Variants in CNTN5 observed in about 807,000 individuals in gnomAD.
The protein encoded by CNTN5 is contactin 5, also known as contactin-5.
In CNTN5, 77 loss-of-function variants were observed where a neutral mutation model predicts 129.1. That is an observed-to-expected ratio of 0.60 (90% CI 0.50 to 0.72). CNTN5 has a LOEUF of 0.72. Ranked by LOEUF, CNTN5 falls within the 30% of genes least tolerant of loss-of-function variation. CNTN5 has a pLI of 0.00. For missense variants in CNTN5, 1,478 were observed against 1,328.8 expected, an observed-to-expected ratio of 1.11 and a Z score of -1.75; for synonymous variants, 509 against 465.6, an observed-to-expected ratio of 1.09 and a Z score of -1.20.
intron 10 of CNTN5, among the ~76,000 whole-genome samples, chr11:100,069,547 A>C (rs1943824333): frequency 6.6e-6 from 1 of 152,128 alleles, no homozygotes. Context: ...AAACTCTTTT[A>C]GAGCCGCTCT....
At chr11:99,171,917 C>T (rs1335259847) in intron 1 of CNTN5, among the ~76,000 whole-genome samples, 2 of 152,072 alleles carry the variant, frequency 1.3e-5, no homozygotes, top group South Asian at 2.1e-4. Flanking sequence ...TCAGGAGCAA[C>T]GGAAAGTTAC....
chr11:100,051,570 A>G (rs1228244615), intron 9 of CNTN5, among the ~76,000 whole-genome samples: 1 of 151,958 alleles, frequency 6.6e-6, no homozygotes, highest in African/African-American at 2.4e-5. Flanking sequence ...CAAATGGAAA[A>G]TGAAATTAAT....
chr11:100,356,445 T>C lies in CNTN5; in HGVS notation c.*225T>C. ...GACAGTTCTTAGTCCAGTAAAAATA[T>C]GCAGATTGTATGTAATGAATTTTTG... On this transcript the variant is annotated 3_prime_UTR_variant, in exon 25 of 25. Transcript: ENST00000524871. 2 of 529,390 alleles carry C rather than the reference T, an allele frequency of 3.8e-6. No individual in the cohort carries two copies. Among genetic ancestry groups the C allele is most frequent in the Non-Finnish European group, 3.4e-6 (1 of 297,786 alleles). 32.8% of individuals were successfully genotyped at this position (529,390 alleles called of 1,614,324 possible). A position where few individuals can be genotyped will look rare whatever the true frequency, so the allele number is the denominator to read the frequency against.
chr11:100,285,355 C>A (rs970352829), intron 18 of CNTN5, among the ~76,000 whole-genome samples: 1 of 152,160 alleles, frequency 6.6e-6, no homozygotes, highest in African/African-American at 2.4e-5. Flanking sequence ...AGACAGCCAG[C>A]GTTCCATCAT....
chr11:99,521,629 C>G (rs1220039027), intron 2 of CNTN5, among the ~76,000 whole-genome samples: 1 of 152,122 alleles, frequency 6.6e-6, no homozygotes, highest in East Asian at 1.9e-4. Context: ...CGTTAGCTTG[C>G]TATTTCCCAC....
At chr11:99,717,942 A>AC (rs1335209832) in intron 3 of CNTN5, among the ~76,000 whole-genome samples, 1 of 151,740 alleles carries the variant, frequency 6.6e-6, no homozygotes, top group Non-Finnish European at 1.5e-5. Context: ...AATACTTAGC[A>AC]CCCCCCTAAA....
intron 3 of CNTN5, among the ~76,000 whole-genome samples, chr11:99,709,850 G>A (rs1954900234): frequency 6.6e-6 from 1 of 151,764 alleles, no homozygotes; most frequent in South Asian, 2.1e-4. Context: ...TTAGAGGAGA[G>A]CCCTTAGGTT....
intron 1 of CNTN5, among the ~76,000 whole-genome samples, chr11:99,186,818 C>T (rs1361570384): frequency 6.6e-6 from 1 of 151,898 alleles, no homozygotes; most frequent in Non-Finnish European, 1.5e-5. Flanking sequence ...GAGGGGATGG[C>T]TGAAAGGAGA....
chr11:99,690,448 G>A (rs1284073356), intron 3 of CNTN5, among the ~76,000 whole-genome samples: 1 of 151,946 alleles, frequency 6.6e-6, no homozygotes, highest in Non-Finnish European at 1.5e-5. Context: ...GGCTATTCGG[G>A]CTCTTTCTTG....
intron 3 of CNTN5, among the ~76,000 whole-genome samples, chr11:99,614,672 G>A (rs1950702894): frequency 6.6e-6 from 1 of 152,164 alleles, no homozygotes; most frequent in South Asian, 2.1e-4. Context: ...ACAGATCTTT[G>A]CTCCTCGATC....
intron 1 of CNTN5, among the ~76,000 whole-genome samples, chr11:99,158,655 A>G (rs534463704): frequency 1.8e-4 from 28 of 152,294 alleles, no homozygotes; most frequent in Non-Finnish European, 1.5e-5. Flanking sequence ...TCATTGGGCA[A>G]TAGGAGAACA....
intron 2 of CNTN5, among the ~76,000 whole-genome samples, chr11:99,550,689 A>C (rs1948453222): frequency 6.6e-6 from 1 of 152,168 alleles, no homozygotes; most frequent in Non-Finnish European, 1.5e-5. Flanking sequence ...CTACTGTTCT[A>C]ATTTCACAGA....
chr11:99,583,889 G>C (rs2135633318), intron 3 of CNTN5, among the ~76,000 whole-genome samples: 1 of 152,206 alleles, frequency 6.6e-6, no homozygotes, highest in South Asian at 2.1e-4. Context: ...AGTTGGAAAT[G>C]CAGAAATCAC....
chr11:100,111,112 G>T (rs1239200298), intron 13 of CNTN5, among the ~76,000 whole-genome samples: 1 of 152,080 alleles, frequency 6.6e-6, no homozygotes, highest in African/African-American at 2.4e-5. Context: ...AAATACATTG[G>T]ATTTAAGGTA....
intron 4 of CNTN5, among the ~76,000 whole-genome samples, chr11:99,844,288 ATG>A (rs1418022148): frequency 6.6e-6 from 1 of 152,100 alleles, no homozygotes; most frequent in African/African-American, 2.4e-5. Flanking sequence ...TTTTGAAAGC[ATG>A]TCTTATTTAT....
intron 16 of CNTN5, among the ~76,000 whole-genome samples, chr11:100,237,438 A>G (rs1178600656): frequency 2.0e-5 from 3 of 152,164 alleles, no homozygotes; most frequent in Non-Finnish European, 4.4e-5. Context: ...ATGCTTCTTC[A>G]CTGAACAATA....
intron 9 of CNTN5, among the ~76,000 whole-genome samples, chr11:100,031,923 C>T (rs1170286100): frequency 6.6e-6 from 1 of 151,644 alleles, no homozygotes; most frequent in Non-Finnish European, 1.5e-5. Context: ...TTGGTGGCAC[C>T]ACGGGACCAG....
intron 6 of CNTN5, among the ~76,000 whole-genome samples, chr11:99,847,157 CTGTATG>C (rs1947726385): frequency 6.6e-6 from 1 of 152,192 alleles, no homozygotes; most frequent in African/African-American, 2.4e-5. Context: ...TAGCTATAGC[CTGTATG>C]TCAGTTGTTT....
chr11:99,411,443 C>T (rs978904566), intron 2 of CNTN5, among the ~76,000 whole-genome samples: 3 of 152,078 alleles, frequency 2.0e-5, no homozygotes, highest in Non-Finnish European at 4.4e-5. Context: ...TGGCTTAAGC[C>T]TGGGAAATGG....
Sources: allele counts gnomAD v4.1 joint callset (sites outside exome capture counted in the v4.1 genomes callset), GRCh38; gene constraint gnomAD v4.1.1; transcripts MANE v1.5; gene names NCBI Gene and HGNC (gene_info 2026-07-23, HGNC 2026-07-21).